PARP16: variants seen among roughly 807,000 people sequenced by gnomAD.
The protein encoded by PARP16 is poly(ADP-ribose) polymerase family member 16, also known as protein mono-ADP-ribosyltransferase PARP16.
In PARP16, 31 loss-of-function variants were observed where a neutral mutation model predicts 35.0. The observed-to-expected ratio is 0.88, with a 90% CI of 0.66 to 1.19. The LOEUF is 1.19. Among genes scored for constraint, PARP16 ranks in the 50% most tolerant of loss-of-function variants. The pLI is 0.00. For missense variants in PARP16, 424 were observed against 411.2 expected, an observed-to-expected ratio of 1.03 and a Z score of -0.27; for synonymous variants, 162 against 169.5, an observed-to-expected ratio of 0.96 and a Z score of 0.34.
chr15:65,259,580 G>C, intron 5 of PARP16, 38 bp from the exon 6 acceptor site: 5 of 1,601,088 alleles, frequency 3.1e-6, no homozygotes, highest in Non-Finnish European at 4.3e-6. Context: ...TTGGCAAAAA[G>C]AGAAAAACAT....
At chr15:65,246,686 G>A (rs1347352885) in intron 3 of PARP16, among the ~76,000 whole-genome samples, 3 of 152,140 alleles carry the variant, frequency 2.0e-5, no homozygotes, top group Non-Finnish European at 2.9e-5. Flanking sequence ...GTACTTATCT[G>A]TACACAAGAC....
intron 1 of PARP16, among the ~76,000 whole-genome samples, chr15:65,274,518 G>A (rs894977992): frequency 2.0e-5 from 3 of 151,472 alleles, no homozygotes; most frequent in Non-Finnish European, 2.9e-5. Context: ...AAGATGCAGT[G>A]AGCCATGATT....
chr15:65,268,314 A>G (rs2089973248), intron 2 of PARP16, among the ~76,000 whole-genome samples: 1 of 152,178 alleles, frequency 6.6e-6, no homozygotes. Flanking sequence ...TGAGCCTCAC[A>G]GAGGAAGGCT....
At chr15:65,248,670 T>A (rs1425745998) in intron 2 of PARP16, among the ~76,000 whole-genome samples, 1 of 152,186 alleles carries the variant, frequency 6.6e-6, no homozygotes, top group African/African-American at 2.4e-5. Context: ...AGTGAGACAT[T>A]TGTCCATAGA....
intron 3 of PARP16, among the ~76,000 whole-genome samples, chr15:65,264,024 G>T (rs1285293940): frequency 6.6e-6 from 1 of 152,170 alleles, no homozygotes; most frequent in East Asian, 1.9e-4. Flanking sequence ...AAATAAATTA[G>T]AAATTAGTCT....
chr15:65,247,017 G>T (rs2089226988), intron 3 of PARP16, among the ~76,000 whole-genome samples: 2 of 151,924 alleles, frequency 1.3e-5, no homozygotes, highest in Admixed American at 6.6e-5. Flanking sequence ...CCAAGACAGG[G>T]TCTCGCTCTG....
Position 65,259,413 on chromosome 15 carries a change from T to G in PARP16, c.963A>C (p.Lys321Asn), listed in dbSNP as rs748919284. ...CACACCAGGCCCAGAAAGATTATCT[T>G]TTCGCACGATTCCAAAAGTGTTGGA... ...SAFQHFWNRA[K>N]R Residue 321 changes from lysine (K) to asparagine (N), a missense_variant, in exon 6 of 6, where the codon AAA becomes AAC. Transcript: ENST00000649807. The G allele has an allele frequency of 3.1e-6, 5 of 1,614,138 alleles. No homozygotes were observed. Among genetic ancestry groups the G allele is most frequent in the Non-Finnish European group, 4.2e-6 (5 of 1,180,012 alleles).
chr15:65,274,580 A>T (rs1395973538), intron 1 of PARP16, among the ~76,000 whole-genome samples: 2 of 146,782 alleles, frequency 1.4e-5, no homozygotes, highest in African/African-American at 4.9e-5. Context: ...TCTCGAATAA[A>T]AAAAAAAAAA....
chr15:65,272,764 G>T (rs1310281607), intron 1 of PARP16, among the ~76,000 whole-genome samples: 2 of 152,176 alleles, frequency 1.3e-5, no homozygotes, highest in African/African-American at 4.8e-5. Flanking sequence ...ATCTCAGTTG[G>T]AATCTCTGTT....
chr15:65,264,975 C>A (rs953076790), intron 3 of PARP16, among the ~76,000 whole-genome samples: 1 of 152,218 alleles, frequency 6.6e-6, no homozygotes, highest in African/African-American at 2.4e-5. Flanking sequence ...CAGGCCAGCA[C>A]CAGTGTAAAG....
chr15:65,239,907 C>T (rs564277090), intron 3 of PARP16, among the ~76,000 whole-genome samples: 3 of 147,856 alleles, frequency 2.0e-5, no homozygotes, highest in Non-Finnish European at 3.0e-5. Flanking sequence ...CCGCTCACCT[C>T]GGCCTCCCAA....
intron 3 of PARP16, among the ~76,000 whole-genome samples, chr15:65,238,613 C>T (rs1010129201): frequency 5.9e-5 from 9 of 152,364 alleles, no homozygotes; most frequent in African/African-American, 2.2e-4. Flanking sequence ...ATCTCTCACT[C>T]AGGTGACTGT....
intron 3 of PARP16, among the ~76,000 whole-genome samples, chr15:65,237,333 T>G (rs1187008310): frequency 6.6e-6 from 1 of 152,108 alleles, no homozygotes; most frequent in Admixed American, 6.6e-5. Flanking sequence ...TGTCAGTCAG[T>G]GGGTGTAATG....
intron 1 of PARP16, among the ~76,000 whole-genome samples, chr15:65,280,500 A>G (rs2090388862): frequency 6.6e-6 from 1 of 152,078 alleles, no homozygotes; most frequent in South Asian, 2.1e-4. Context: ...TGTATCCAAG[A>G]AGACAACAAC....
At chr15:65,243,158 A>G (rs2089123955) in intron 3 of PARP16, among the ~76,000 whole-genome samples, 1 of 152,222 alleles carries the variant, frequency 6.6e-6, no homozygotes, top group South Asian at 2.1e-4. Flanking sequence ...TAGGACCCCC[A>G]GTATAATCTT....
chr15:65,269,154 C>G (rs920882472), intron 2 of PARP16, among the ~76,000 whole-genome samples: 2 of 142,554 alleles, frequency 1.4e-5, no homozygotes, highest in African/African-American at 5.2e-5. Flanking sequence ...ATGGGTCACA[C>G]CTGGCCCATT....
Position 65,270,939 on chromosome 15 carries a change from G to A in PARP16, c.308C>T (p.Ala103Val). 5 of 1,614,076 alleles carry A rather than the reference G, an allele frequency of 3.1e-6. No individual in the cohort carries two copies. Among genetic ancestry groups the A allele is most frequent in the Non-Finnish European group, 4.2e-6 (5 of 1,179,984 alleles). Residue 103 changes from alanine (A) to valine (V), a missense_variant, in exon 2 of 6, where the codon GCA becomes GTA. Ala to Val is a moderately conservative substitution (Grantham distance 64). Coordinates refer to ENST00000649807, the MANE Select transcript of PARP16 (RefSeq NM_001316943.2). ...TGCTACGGACCAAAGTCTCACCTCT[G>A]CCTTCCCTGCACTGTGGATTGTCAG... ...KVLTIHSAGK[A>V]EFEKIQKLTG...
At chr15:65,274,069 C>A (rs1376043115) in intron 1 of PARP16, among the ~76,000 whole-genome samples, 3 of 151,358 alleles carry the variant, frequency 2.0e-5, no homozygotes, top group African/African-American at 4.9e-5. Flanking sequence ...GATTCTCCTG[C>A]ATAGCTGGGA....
chr15:65,286,134 G>A, intron 1 of PARP16, 119 bp downstream of exon 1: 1 of 817,376 alleles, frequency 1.2e-6, no homozygotes. Context: ...ACCAAGCTGG[G>A]AATGGAAAGT....
Sources: gnomAD v4.1 joint callset for allele counts (sites outside exome capture counted in the v4.1 genomes callset) on GRCh38, gnomAD v4.1.1 for gene constraint, MANE v1.5 for transcripts, NCBI Gene and HGNC (gene_info 2026-07-23, HGNC 2026-07-21) for gene names.